EIF2B3: variants seen among roughly 807,000 people sequenced by gnomAD.
The protein encoded by EIF2B3 is eukaryotic translation initiation factor 2B subunit gamma.
EIF2B3 carries 20 observed loss-of-function variants against 54.1 expected under a neutral mutation model. The observed-to-expected ratio is 0.37, with a 90% CI of 0.26 to 0.54. EIF2B3 has a LOEUF of 0.54. Ranked by LOEUF, EIF2B3 falls within the 20% of genes least tolerant of loss-of-function variation. The probability of loss-of-function intolerance (pLI) is 0.86; values close to 1 mark genes in which losing one functional copy is unlikely to be tolerated. For missense variants in EIF2B3, 448 were observed against 547.8 expected, an observed-to-expected ratio of 0.82 and a Z score of 1.82; for synonymous variants, 153 against 188.1, an observed-to-expected ratio of 0.81 and a Z score of 1.52.
chr1:44,914,519 C>G (rs1047696675), intron 5 of EIF2B3, among the ~76,000 whole-genome samples: 3 of 152,182 alleles, frequency 2.0e-5, no homozygotes, highest in African/African-American at 7.2e-5. Flanking sequence ...ATCAATACTT[C>G]CACATTCCAG....
At chr1:44,937,168 T>C (rs1643957469) in intron 4 of EIF2B3, 1 of 152,248 alleles carries the variant, frequency 6.6e-6, no homozygotes, top group African/African-American at 2.4e-5. Context: ...TCACGCGCTC[T>C]TGTAATACCT....
At chr1:44,883,615 C>G (rs1243939615) in intron 6 of EIF2B3, among the ~76,000 whole-genome samples, 1 of 152,188 alleles carries the variant, frequency 6.6e-6, no homozygotes, top group East Asian at 1.9e-4. Flanking sequence ...TCCCTAGACC[C>G]CTGCCCACCA....
At chr1:44,875,847 C>A in intron 8 of EIF2B3, 152 bp from the exon 9 acceptor site, 1 of 701,944 alleles carries the variant, frequency 1.4e-6, no homozygotes. Context: ...CAAAGCTGGA[C>A]TGTACTGCTG....
chr1:44,970,509 C>G (rs935276189), intron 3 of EIF2B3, among the ~76,000 whole-genome samples: 13 of 152,092 alleles, frequency 8.5e-5, no homozygotes, highest in Non-Finnish European at 1.8e-4. Context: ...ACCAAAAGAG[C>G]CTATTAATGT....
At chr1:44,851,031 T>C (rs1256255039) in intron 11 of EIF2B3, 28 bp from the exon 12 acceptor site, 1 of 1,610,876 alleles carries the variant, frequency 6.2e-7, no homozygotes, top group Non-Finnish European at 8.5e-7. Context: ...AAAAGTTTTC[T>C]GAGAACTGGC....
At chr1:44,853,639 G>A (rs1331658152) in intron 11 of EIF2B3, among the ~76,000 whole-genome samples, 1 of 152,098 alleles carries the variant, frequency 6.6e-6, no homozygotes, top group Non-Finnish European at 1.5e-5. Context: ...AGCTAGTGAT[G>A]CTTGGTCAGG....
At chr1:44,980,560 T>C (rs1021432746) in intron 2 of EIF2B3, among the ~76,000 whole-genome samples, 3 of 152,104 alleles carry the variant, frequency 2.0e-5, no homozygotes, top group Admixed American at 1.3e-4. Flanking sequence ...AAGCAAAAAG[T>C]AGAGAGGATC....
intron 10 of EIF2B3, among the ~76,000 whole-genome samples, chr1:44,871,150 G>C (rs368098793): frequency 6.6e-6 from 1 of 152,302 alleles, no homozygotes; most frequent in African/African-American, 2.4e-5. Flanking sequence ...TAGCACACCA[G>C]AAATCTCATT....
intron 3 of EIF2B3, among the ~76,000 whole-genome samples, chr1:44,951,228 G>A (rs12407565): frequency 0.18 from 27,066 of 151,974 alleles, 2,523 homozygotes; most frequent in African/African-American, 0.2. Flanking sequence ...TAATTCATGT[G>A]ACACACATAT....
intron 3 of EIF2B3, among the ~76,000 whole-genome samples, chr1:44,957,483 G>A (rs913074670): frequency 6.6e-5 from 10 of 152,140 alleles, no homozygotes; most frequent in African/African-American, 9.7e-5. Flanking sequence ...CTCATAATAA[G>A]AAAAATGCAG....
intron 6 of EIF2B3, among the ~76,000 whole-genome samples, chr1:44,882,165 T>C (rs1387805307): frequency 6.6e-6 from 1 of 152,240 alleles, no homozygotes; most frequent in Non-Finnish European, 1.5e-5. Context: ...TGCTAGGCCT[T>C]GGAAATACAT....
rs771175417 is a variant in EIF2B3 at position 44,855,078 on chromosome 1, C to T, written c.1306+2626G>A. Reference sequence around the variant, plus strand: ...TGGTTAGGAGTTTGCTTTCACCATACGGCTCAGTCTCAAAAAAAAAAAAAA... The same window carrying T: ...TGGTTAGGAGTTTGCTTTCACCATATGGCTCAGTCTCAAAAAAAAAAAAAA... On this transcript the variant is annotated intron_variant, in intron 11 of 11. Transcript: ENST00000360403. 5.8e-4 allele frequency among the ~76,000 whole-genome samples: 85 copies of T among 145,336 alleles called. 1 individual carries two copies. Among genetic ancestry groups the T allele is most frequent in the Admixed American group, 5.6e-3 (82 of 14,540 alleles).
At chr1:44,861,270 A>T (rs1054236256) in intron 10 of EIF2B3, among the ~76,000 whole-genome samples, 10 of 152,302 alleles carry the variant, frequency 6.6e-5, no homozygotes, top group African/African-American at 2.4e-4. Context: ...AAAAGGGGTA[A>T]TAGGGAAGTA....
intron 5 of EIF2B3, among the ~76,000 whole-genome samples, chr1:44,900,007 A>C (rs1643248516): frequency 6.6e-6 from 1 of 152,250 alleles, no homozygotes; most frequent in Non-Finnish European, 1.5e-5. Flanking sequence ...CAGCTATAAA[A>C]AAGAACAAAA....
chr1:44,974,563 G>A (rs1644434607), intron 3 of EIF2B3, among the ~76,000 whole-genome samples: 1 of 152,044 alleles, frequency 6.6e-6, no homozygotes, highest in South Asian at 2.1e-4. Context: ...GGAGCCTGAG[G>A]TGGGAGGACT....
chr1:44,942,408 T>TATATATATACATAC (rs1644040326), intron 3 of EIF2B3, among the ~76,000 whole-genome samples: 2 of 20,572 alleles, frequency 9.7e-5, no homozygotes, highest in African/African-American at 5.0e-4. Context: ...TATATATATA[T>TATATATATACATAC]ATATATATAT....
At chr1:44,866,962 G>A (rs753084652) in intron 10 of EIF2B3, among the ~76,000 whole-genome samples, 2 of 152,206 alleles carry the variant, frequency 1.3e-5, no homozygotes, top group Non-Finnish European at 2.9e-5. Flanking sequence ...GGCAATTCAG[G>A]CAGAGTGAAT....
intron 11 of EIF2B3, among the ~76,000 whole-genome samples, chr1:44,852,919 G>A (rs1318412072): frequency 6.6e-6 from 1 of 152,134 alleles, no homozygotes; most frequent in African/African-American, 2.4e-5. Context: ...GATAGGATAT[G>A]GTCATATAAC....
intron 6 of EIF2B3, among the ~76,000 whole-genome samples, chr1:44,888,612 T>G (rs1274211682): frequency 6.6e-6 from 1 of 152,228 alleles, no homozygotes; most frequent in African/African-American, 2.4e-5. Flanking sequence ...GAATCTAATG[T>G]ATTTTGTGCT....
Sources: gnomAD v4.1 joint callset for allele counts (sites outside exome capture counted in the v4.1 genomes callset) on GRCh38, gnomAD v4.1.1 for gene constraint, MANE v1.5 for transcripts, NCBI Gene and HGNC (gene_info 2026-07-23, HGNC 2026-07-21) for gene names.